Variants in CDK2AP2 observed in about 807,000 individuals in gnomAD.
CDK2AP2 encodes cyclin dependent kinase 2 associated protein 2.
In CDK2AP2, 1 loss-of-function variant was observed where a neutral mutation model predicts 13.0. The ratio of observed to expected loss-of-function variants is 0.08; its 90% CI spans 0.03 to 0.37. The LOEUF (loss-of-function observed/expected upper bound fraction) is 0.37, where lower values mean the gene tolerates loss of function less well. CDK2AP2 is among the 10% of genes least tolerant of loss of function. The pLI is 0.99. For missense variants in CDK2AP2, 129 were observed against 175.8 expected (o/e 0.73, Z 1.50); for synonymous variants, 76 against 73.0 (o/e 1.04, Z -0.21).
chr11:67,507,308 C>T (rs747379601), intron 3 of CDK2AP2, 57 bp downstream of exon 3: 3 of 1,599,900 alleles, frequency 1.9e-6, no homozygotes, highest in African/African-American at 1.3e-5. Flanking sequence ...CCTTCCTTCC[C>T]TCATGAAGGA....
Position 67,507,002 on chromosome 11 carries a change from A to G in CDK2AP2, c.324T>C (p.His108=). The G allele has an allele frequency of 1.3e-6, 2 of 1,556,204 alleles. No homozygotes were observed. Among genetic ancestry groups the G allele is most frequent in the Non-Finnish European group, 1.7e-6 (2 of 1,149,610 alleles). The stretch of plus-strand genomic sequence containing the variant: ...GGCACTCTCTGACTAGGGCCCGGGC[A>G]TGGATGATACCTGGGGGTGGGGTGG... ...AMERLKRGII[H]ARALVRECLA... Residue 108 remains histidine, a synonymous_variant, in exon 4 of 4, where the codon CAT becomes CAC. Coordinates refer to ENST00000301488, the MANE Select transcript of CDK2AP2 (RefSeq NM_005851.5).
rs752812725 is a variant in CDK2AP2 at position 67,507,414 on chromosome 11, G to A, written c.264C>T (p.Ile88=). Residue 88 remains isoleucine (I), a synonymous_variant, in exon 3 of 4, where the codon ATC becomes ATT. Coordinates refer to ENST00000301488, the MANE Select transcript of CDK2AP2 (RefSeq NM_005851.5). ...TCTTGCTGCCAGCATAGGTAGGCCG[G>A]ATCTCTTTGCCCATCTCCTCTATGA... The part of the protein sequence containing the change: ...LSVIEEMGKE[I]RPTYAGSKSA... The A allele has an allele frequency of 6.2e-7, 1 of 1,613,590 alleles. No individual in the cohort carries two copies. Among genetic ancestry groups the A allele is most frequent in the South Asian group, 1.1e-5 (1 of 91,064 alleles).
At chr11:67,507,341 G>A (rs1866555883) in intron 3 of CDK2AP2, 24 bp downstream of exon 3, 4 of 1,611,826 alleles carry the variant, frequency 2.5e-6, no homozygotes, top group Non-Finnish European at 2.5e-6. Context: ...GGTTTCCTGA[G>A]CAGGGCGGCC....
Position 67,506,597 on chromosome 11 carries a change from G to A in CDK2AP2, c.*348C>T, listed in dbSNP as rs187921848. On this transcript the variant is annotated 3_prime_UTR_variant, in exon 4 of 4. Coordinates refer to ENST00000301488, the MANE Select transcript of CDK2AP2 (RefSeq NM_005851.5). ...TCACTATGGCTCAGGACACAAGGCA[G>A]GGAGGTGCCAGGCCTGTGCCCCTGC... 3 of 394,370 alleles carry A rather than the reference G, an allele frequency of 7.6e-6. No homozygotes were observed. The East Asian group carries it at 1.4e-4, about 18-fold the overall frequency. 24.4% of individuals were successfully genotyped at this position (394,370 alleles called of 1,614,324 possible).
At chr11:67,507,874 T>C (rs1229840213) in intron 1 of CDK2AP2, 127 bp downstream of exon 1, 1 of 1,541,516 alleles carries the variant, frequency 6.5e-7, no homozygotes, top group Admixed American at 2.0e-5. Flanking sequence ...CCACGCCCAC[T>C]TCACAGGCCA....
Position 67,508,100 on chromosome 11 carries a change from G to C in CDK2AP2, c.-18C>G. On this transcript the variant is annotated 5_prime_UTR_variant, in exon 1 of 4. Coordinates refer to ENST00000301488, the MANE Select transcript of CDK2AP2 (RefSeq NM_005851.5). ...TAGGACATCCCCAACTCCTGGGCGCGGCGGACGCCAGCCGGCCGCTCCTCG... is the reference window on the plus strand; with the variant it reads ...TAGGACATCCCCAACTCCTGGGCGCCGCGGACGCCAGCCGGCCGCTCCTCG... 2.7e-6 allele frequency: 4 copies of C among 1,458,874 alleles called. No individual in the cohort carries two copies. The South Asian group carries it at 5.7e-5, about 21-fold the overall frequency. 90.4% of individuals were successfully genotyped at this position (1,458,874 alleles called of 1,614,324 possible).
chr11:67,506,861 T>G lies in CDK2AP2; in HGVS notation c.*84A>C. On this transcript the variant is annotated 3_prime_UTR_variant, in exon 4 of 4. Coordinates refer to ENST00000301488, the MANE Select transcript of CDK2AP2 (RefSeq NM_005851.5). ...AGGACAGGAAGCCCAGGATGGTTAG[T>G]GCAACTCGGGATGAAGGCCAGGGAG... 1 of 1,189,344 alleles carries G rather than the reference T, an allele frequency of 8.4e-7. No individual in the cohort carries two copies. The highest frequency in any genetic ancestry group is 2.5e-5 in the East Asian group (1 of 39,324). 73.7% of individuals were successfully genotyped at this position (1,189,344 alleles called of 1,614,324 possible). A position where few individuals can be genotyped will look rare whatever the true frequency, so the allele number is the denominator to read the frequency against.
At position 67,508,011 on chromosome 11, in the gene CDK2AP2, C is replaced by T. The variant is rs1260361385; in HGVS notation, c.72G>A (p.Pro24=). 7 of 1,543,572 alleles carry T rather than the reference C, an allele frequency of 4.5e-6. No homozygotes were observed. The Admixed American group carries it at 1.2e-4, about 28-fold the overall frequency. Residue 24 remains proline, a synonymous_variant, in exon 1 of 4, where the codon CCG becomes CCA. Coordinates refer to ENST00000301488, the MANE Select transcript of CDK2AP2 (RefSeq NM_005851.5). ...PGSSTPGPGT[P]VPTGSVPSPS... ...GAGCTGGATCCTCACCTGTAGGGAC[C>T]GGGGTGCCCGGCCCAGGGGTGCTGG...
intron 1 of CDK2AP2, 155 bp from the exon 2 acceptor site, chr11:67,507,844 A>C: frequency 6.5e-7 from 1 of 1,537,682 alleles, no homozygotes; most frequent in Non-Finnish European, 8.7e-7. Flanking sequence ...ACTGCGCTCC[A>C]CCTACAAGCC....
rs778998935 is a variant in CDK2AP2, at chr11:67,507,025, T to C, written c.314-13A>G. On this transcript the variant is annotated splice_polypyrimidine_tract_variant and intron_variant, in intron 3 of 3. Coordinates refer to ENST00000301488, the MANE Select transcript of CDK2AP2 (RefSeq NM_005851.5). ...GCATGGATGATACCTGGGGGTGGGG[T>C]GGGGTCTCAGCAACCCTCCACAGCC... 3.9e-6 allele frequency: 6 copies of C among 1,539,974 alleles called. No homozygotes were observed. The highest frequency in any genetic ancestry group is 5.3e-6 in the Non-Finnish European group (6 of 1,140,004).
In CDK2AP2 at chr11:67,507,604, C is replaced by T; in HGVS notation, c.168G>A (p.Met56Ile). 1 of 1,606,816 alleles carries T rather than the reference C, an allele frequency of 6.2e-7. No individual in the cohort carries two copies. Among genetic ancestry groups the T allele is most frequent in the Non-Finnish European group, 8.5e-7 (1 of 1,174,424 alleles). ...PLFNDFGPPS[M>I]GYVQAMKPPG... is the part of the protein sequence containing the mutation. ...TGGCCCCACTCACCTGCACGTAGCCCATGGAAGGCGGTCCAAAGTCGTTAA... is the reference window on the plus strand; with the variant it reads ...TGGCCCCACTCACCTGCACGTAGCCTATGGAAGGCGGTCCAAAGTCGTTAA... Residue 56 changes from methionine (M) to isoleucine (I), a missense_variant, in exon 2 of 4, where the codon ATG becomes ATA. Around this residue, in one of 2 missense-constraint regions of CDK2AP2, gnomAD observed 98 missense variants for 99.7 expected, o/e 0.98. Coordinates refer to ENST00000301488, the MANE Select transcript of CDK2AP2 (RefSeq NM_005851.5).
intron 3 of CDK2AP2, 118 bp downstream of exon 3, chr11:67,507,246 TG>T: frequency 8.6e-7 from 1 of 1,159,456 alleles, no homozygotes; most frequent in Non-Finnish European, 1.3e-6. Context: ...AACACCTCTC[TG>T]GTAGTAATAC....
rs1866574316 is a variant in CDK2AP2 at position 67,508,011 on chromosome 11, CGGGGTGCCCGGCCCA to C, written c.57_71del (p.Gly20_Pro24del). On this transcript the variant is annotated inframe_deletion, in exon 1 of 4. Coordinates refer to ENST00000301488, the MANE Select transcript of CDK2AP2 (RefSeq NM_005851.5). ...GAGCTGGATCCTCACCTGTAGGGAC[CGGGGTGCCCGGCCCA>C]GGGGTGCTGGAGCCAGGGGTGCTGC... The C allele has an allele frequency of 6.5e-7, 1 of 1,543,570 alleles. No homozygotes were observed. The highest frequency in any genetic ancestry group is 1.4e-5 in the African/African-American group (1 of 72,554).
intron 2 of CDK2AP2, 47 bp from the exon 3 acceptor site, chr11:67,507,544 AG>A: frequency 3.7e-6 from 6 of 1,613,534 alleles, no homozygotes; most frequent in Non-Finnish European, 5.1e-6. Context: ...CCTGGCGGGG[AG>A]GGGGACTCCA....
At position 67,508,006 on chromosome 11, in the gene CDK2AP2, G is replaced by A. The variant is rs1289932790; in HGVS notation, c.77C>T (p.Pro26Leu). ...SSTPGPGTPV[P>L]TGSVPSPSGS... ...GGGTGGAGCTGGATCCTCACCTGTAGGGACCGGGGTGCCCGGCCCAGGGGT... is the reference window on the plus strand; with the variant it reads ...GGGTGGAGCTGGATCCTCACCTGTAAGGACCGGGGTGCCCGGCCCAGGGGT... Residue 26 changes from proline (P) to leucine (L), a missense_variant, in exon 1 of 4, where the codon CCT (proline) becomes CTT (leucine). Coordinates refer to ENST00000301488, the MANE Select transcript of CDK2AP2 (RefSeq NM_005851.5). The A allele has an allele frequency of 4.5e-6, 7 of 1,544,782 alleles. No homozygotes were observed. Among genetic ancestry groups the A allele is most frequent in the African/African-American group, 1.4e-5 (1 of 72,758 alleles).
chr11:67,507,522 T>G lies in CDK2AP2; in HGVS notation c.181-25A>C, dbSNP rs200567964. On this transcript the variant is annotated intron_variant, in intron 2 of 3. Coordinates refer to ENST00000301488, the MANE Select transcript of CDK2AP2 (RefSeq NM_005851.5). ...CCTATGTCAAAAGAGAACAGGGCAG[T>G]GAGCTCAGGCACCTGGCGGGGAGGG... The G allele has an allele frequency of 1.6e-4, 256 of 1,613,812 alleles. No homozygotes were observed. In the African/African-American group the frequency reaches 3.2e-3, roughly 20 times the overall value.
At position 67,506,924 on chromosome 11, in the gene CDK2AP2, C is replaced by G. The variant is rs1429421140; in HGVS notation, c.*21G>C. The G allele has an allele frequency of 6.5e-7, 1 of 1,549,942 alleles. No homozygotes were observed. Among genetic ancestry groups the G allele is most frequent in the Non-Finnish European group, 8.7e-7 (1 of 1,145,670 alleles). On this transcript the variant is annotated 3_prime_UTR_variant, in exon 4 of 4. Coordinates refer to ENST00000301488, the MANE Select transcript of CDK2AP2 (RefSeq NM_005851.5). Reference sequence around the variant, plus strand: ...TGCAGTGGCCGGATAGGTCCAGACGCTGAGGCCGAGGCGCTTCCTGTTACG... The same window carrying G: ...TGCAGTGGCCGGATAGGTCCAGACGGTGAGGCCGAGGCGCTTCCTGTTACG...
In CDK2AP2 at chr11:67,508,062, G is replaced by C; in HGVS notation, c.21C>G (p.Ala7=). Residue 7 remains alanine, a synonymous_variant, in exon 1 of 4, where the codon GCC becomes GCG. Transcript: ENST00000301488. The stretch of plus-strand genomic sequence containing the variant: ...AGCCAGGGGTGCTGCTGGGAGCAGG[G>C]GCGATGGGTTTGTAGGACATCCCCA... MSYKPI[A]PAPSSTPGSS... 6.6e-7 allele frequency: 1 copy of C among 1,512,478 alleles called. No individual in the cohort carries two copies. The highest frequency in any genetic ancestry group is 8.8e-7 in the Non-Finnish European group (1 of 1,133,820). The allele number at this position is 1,512,478 out of a possible 1,614,324, so 93.7% of individuals were successfully genotyped here. A position where few individuals can be genotyped will look rare whatever the true frequency, so the allele number is the denominator to read the frequency against.
chr11:67,508,099 C>T lies in CDK2AP2; in HGVS notation c.-17G>A. On this transcript the variant is annotated 5_prime_UTR_variant, in exon 1 of 4. Coordinates refer to ENST00000301488, the MANE Select transcript of CDK2AP2 (RefSeq NM_005851.5). ...GTAGGACATCCCCAACTCCTGGGCG[C>T]GGCGGACGCCAGCCGGCCGCTCCTC... is the stretch of plus-strand genomic sequence containing the variant. 1.4e-6 allele frequency: 2 copies of T among 1,457,208 alleles called. No individual in the cohort carries two copies. The highest frequency in any genetic ancestry group is 1.8e-6 in the Non-Finnish European group (2 of 1,105,764). The allele number at this position is 1,457,208 out of a possible 1,614,324, so 90.3% of individuals were successfully genotyped here.
Sources: allele counts gnomAD v4.1 joint callset, GRCh38; gene constraint gnomAD v4.1.1; regional missense constraint gnomAD v4.1.1; transcripts MANE v1.5; gene names NCBI Gene and HGNC (gene_info 2026-07-23, HGNC 2026-07-21).